ADK: variants seen among roughly 807,000 people sequenced by gnomAD.
ADK encodes the protein N6,N6-dimethyladenosine kinase.
ADK carries 24 observed loss-of-function variants against 44.7 expected under a neutral mutation model. That is an observed-to-expected ratio of 0.54 (90% CI 0.39 to 0.76). The LOEUF (loss-of-function observed/expected upper bound fraction) is 0.76. ADK is among the 30% of genes least tolerant of loss of function. The pLI, the probability that ADK is intolerant of heterozygous loss-of-function variation, is 0.00. For synonymous variants in ADK, 128 were observed against 142.6 expected, an observed-to-expected ratio of 0.90 and a Z score of 0.73; for missense variants, 321 against 425.1, an observed-to-expected ratio of 0.76 and a Z score of 2.15.
intron 4 of ADK, among the ~76,000 whole-genome samples, chr10:74,390,095 T>C (rs1164047814): frequency 6.6e-6 from 1 of 152,118 alleles, no homozygotes; most frequent in East Asian, 1.9e-4. Flanking sequence ...GTAGACATGG[T>C]TGATCATTTA....
At chr10:74,339,115 C>G (rs7920185) in intron 4 of ADK, among the ~76,000 whole-genome samples, 110,313 of 152,010 alleles carry the variant, frequency 0.73, 40,648 homozygotes, top group Middle Eastern at 0.86. Context: ...CACCATGGCT[C>G]GCTAATTTTT....
intron 6 of ADK, among the ~76,000 whole-genome samples, chr10:74,434,208 A>T (rs1254718445): frequency 1.3e-5 from 2 of 152,186 alleles, no homozygotes; most frequent in Non-Finnish European, 2.9e-5. Flanking sequence ...TATCAACAGA[A>T]GAGACAGAAA....
At chr10:74,460,198 A>G (rs1453268682) in intron 6 of ADK, among the ~76,000 whole-genome samples, 2 of 152,214 alleles carry the variant, frequency 1.3e-5, no homozygotes, top group East Asian at 3.8e-4. Flanking sequence ...ATAGTACCCT[A>G]GATAGGTAAG....
At chr10:74,578,781 A>C (rs1246001306) in intron 7 of ADK, among the ~76,000 whole-genome samples, 1 of 152,218 alleles carries the variant, frequency 6.6e-6, no homozygotes, top group Non-Finnish European at 1.5e-5. Flanking sequence ...AATATGTAAA[A>C]TAAAGGAGGA....
intron 10 of ADK, among the ~76,000 whole-genome samples, chr10:74,672,480 A>G (rs907793406): frequency 3.9e-5 from 6 of 152,310 alleles, no homozygotes; most frequent in East Asian, 1.9e-4. Context: ...TTCACTATAC[A>G]TTGTTGAAAT....
intron 1 of ADK, among the ~76,000 whole-genome samples, chr10:74,156,832 T>C (rs1011956470): frequency 1.3e-5 from 2 of 152,088 alleles, no homozygotes; most frequent in East Asian, 3.9e-4. Context: ...CATAAGGATG[T>C]TGAGAGGGAA....
intron 9 of ADK, chr10:74,655,432 C>G (rs770182862): frequency 4.7e-6 from 2 of 425,384 alleles, no homozygotes; most frequent in Non-Finnish European, 4.6e-6. Context: ...TGTAGAAGGA[C>G]GATTTCATTG....
intron 6 of ADK, among the ~76,000 whole-genome samples, chr10:74,496,977 A>AT (rs1478540434): frequency 6.6e-6 from 1 of 150,590 alleles, no homozygotes; most frequent in Non-Finnish European, 1.5e-5. Flanking sequence ...CTCCTCTCTC[A>AT]TTTTTTTTCT....
chr10:74,253,748 A>C lies in ADK; in HGVS notation c.194+29157A>C, dbSNP rs117686773. On this transcript the variant is annotated intron_variant, in intron 3 of 10. Coordinates refer to ENST00000539909, the MANE Select transcript of ADK (RefSeq NM_006721.4). Reference sequence around the variant, plus strand: ...GTTATAAAGAAGTTATAAAGCTGATATAAACTCTCTACACTGCCTTTTTTT... The same window carrying C: ...GTTATAAAGAAGTTATAAAGCTGATCTAAACTCTCTACACTGCCTTTTTTT... Among the ~76,000 whole-genome samples the C allele has an allele frequency of 7.6e-3, 1,138 of 148,896 alleles. 12 individuals are homozygous for C. Among genetic ancestry groups the C allele is most frequent in the Non-Finnish European group, 0.013 (878 of 67,496 alleles).
intron 1 of ADK, among the ~76,000 whole-genome samples, chr10:74,194,969 A>G (rs973274089): frequency 3.3e-5 from 5 of 152,212 alleles, no homozygotes; most frequent in Non-Finnish European, 7.3e-5. Context: ...TCTTACTGTA[A>G]AATATATGTC....
chr10:74,372,982 A>G (rs1468832791), intron 4 of ADK, among the ~76,000 whole-genome samples: 1 of 152,208 alleles, frequency 6.6e-6, no homozygotes, highest in Non-Finnish European at 1.5e-5. Flanking sequence ...GCATAATGAT[A>G]GACATATCTA....
chr10:74,372,072 C>T (rs1416883413), intron 4 of ADK: 7 of 757,240 alleles, frequency 9.2e-6, no homozygotes, highest in African/African-American at 3.4e-5. Flanking sequence ...GATGCCAGCC[C>T]GGGAAGGTTT....
intron 6 of ADK, among the ~76,000 whole-genome samples, chr10:74,403,718 T>C (rs931105772): frequency 2.6e-5 from 4 of 152,158 alleles, no homozygotes; most frequent in Non-Finnish European, 5.9e-5. Flanking sequence ...TGCCCCGCCC[T>C]GCTTTGGCTC....
chr10:74,354,742 G>T (rs908354813), intron 4 of ADK, among the ~76,000 whole-genome samples: 1 of 152,132 alleles, frequency 6.6e-6, no homozygotes, highest in Non-Finnish European at 1.5e-5. Context: ...TCTGTTACAT[G>T]ATTCCTAAGG....
Position 74,496,891 on chromosome 10 carries a change from T to A in ADK, c.556-28365T>A, listed in dbSNP as rs558766742. 2.6e-5 allele frequency among the ~76,000 whole-genome samples: 4 copies of A among 152,328 alleles called. No homozygotes were observed. In the East Asian group the frequency reaches 7.7e-4, roughly 29 times the overall value. On this transcript the variant is annotated intron_variant, in intron 6 of 10. Coordinates refer to ENST00000539909, the MANE Select transcript of ADK (RefSeq NM_006721.4). ...AACCTTTTACTGTGTAGTTTATTTG[T>A]TTTGGTTGGTATCATTTAAGCCTCA...
At chr10:74,223,825 A>G (rs966651827) in intron 2 of ADK, among the ~76,000 whole-genome samples, 12 of 152,322 alleles carry the variant, frequency 7.9e-5, no homozygotes, top group African/African-American at 2.4e-4. Flanking sequence ...ACGGTGACTC[A>G]TGCCAGTAAT....
At chr10:74,457,715 C>T (rs560830424) in intron 6 of ADK, among the ~76,000 whole-genome samples, 7 of 152,250 alleles carry the variant, frequency 4.6e-5, no homozygotes, top group African/African-American at 1.7e-4. Context: ...ATGTCCTTTG[C>T]AGGGACATGG....
intron 4 of ADK, among the ~76,000 whole-genome samples, chr10:74,378,300 A>T (rs113898563): frequency 6.6e-6 from 1 of 152,034 alleles, no homozygotes; most frequent in African/African-American, 2.4e-5. Context: ...TAATTTTTCC[A>T]TATCTTTTGC....
intron 9 of ADK, among the ~76,000 whole-genome samples, chr10:74,623,642 A>G (rs987548695): frequency 2.0e-5 from 3 of 151,866 alleles, no homozygotes; most frequent in Non-Finnish European, 2.9e-5. Context: ...TATCTAGATG[A>G]TAGTGACATT....
Sources: allele counts gnomAD v4.1 joint callset (sites outside exome capture counted in the v4.1 genomes callset), GRCh38; gene constraint gnomAD v4.1.1; transcripts MANE v1.5; gene names NCBI Gene and HGNC (gene_info 2026-07-23, HGNC 2026-07-21).